ANO3: variants seen among roughly 807,000 people sequenced by gnomAD.
ANO3 encodes anoctamin 3.
A neutral mutation model predicts 144.8 loss-of-function variants in ANO3; 99 were observed. That is an observed-to-expected ratio of 0.68 (90% CI 0.58 to 0.81). ANO3 has a LOEUF of 0.81. Ranked by LOEUF, ANO3 falls within the 30% of genes least tolerant of loss-of-function variation. ANO3 has a pLI of 0.00. For missense variants in ANO3, 905 were observed against 1,202.2 expected, an observed-to-expected ratio of 0.75 and a Z score of 3.66; for synonymous variants, 414 against 392.6, an observed-to-expected ratio of 1.05 and a Z score of -0.64.
intron 17 of ANO3, among the ~76,000 whole-genome samples, chr11:26,601,595 G>A (rs896374432): frequency 3.3e-5 from 5 of 152,194 alleles, no homozygotes; most frequent in African/African-American, 1.2e-4. Flanking sequence ...ATATAAGATA[G>A]TATAGGTTGT....
Position 26,599,551 on chromosome 11 carries a change from T to TA in ANO3, c.1674dup (p.Ser559IlefsTer57). 6.2e-7 allele frequency: 1 copy of TA among 1,612,116 alleles called. No individual in the cohort carries two copies. The highest frequency in any genetic ancestry group is 8.5e-7 in the Non-Finnish European group (1 of 1,178,758). On this transcript the variant is annotated frameshift_variant and splice_region_variant, in exon 17 of 27. Transcript: ENST00000256737. LOFTEE classifies it high-confidence loss of function. ...TTTTTCTGGTGTCCAATATTGTAGA[T>TA]ATCCTTGGTGATCACTGCAGTGTTT...
intron 17 of ANO3, among the ~76,000 whole-genome samples, chr11:26,600,233 C>T (rs566488329): frequency 2.1e-5 from 3 of 142,676 alleles, no homozygotes; most frequent in Middle Eastern, 3.9e-3. Flanking sequence ...CCTCTTCTCT[C>T]GTCTCCTTTC....
At chr11:26,212,854 C>A (rs184876138) in intron 1 of ANO3, among the ~76,000 whole-genome samples, 1 of 152,138 alleles carries the variant, frequency 6.6e-6, no homozygotes, top group East Asian at 1.9e-4. Flanking sequence ...GCCAATATCC[C>A]TGATGAACAT....
At chr11:26,523,375 CT>C (rs1590455997) in intron 6 of ANO3, among the ~76,000 whole-genome samples, 2 of 152,188 alleles carry the variant, frequency 1.3e-5, no homozygotes, top group African/African-American at 2.4e-5. Flanking sequence ...CCTCTCATAT[CT>C]TTTTGACAGG....
intron 1 of ANO3, among the ~76,000 whole-genome samples, chr11:26,408,524 G>A (rs977806062): frequency 2.4e-4 from 35 of 148,400 alleles, no homozygotes; most frequent in African/African-American, 8.5e-4. Flanking sequence ...TACACTGTTG[G>A]TGGGACTGTA....
intron 20 of ANO3, among the ~76,000 whole-genome samples, chr11:26,636,959 A>C (rs1437631604): frequency 6.6e-6 from 1 of 152,198 alleles, no homozygotes; most frequent in Non-Finnish European, 1.5e-5. Flanking sequence ...AGAAAAATAC[A>C]CTACAGCATC....
upstream of ANO3, chr11:26,331,997 A>T: frequency 1.2e-6 from 1 of 830,102 alleles, no homozygotes; most frequent in Non-Finnish European, 1.8e-6. Context: ...ACCCCGCTCA[A>T]CGCCCACCCC....
At chr11:26,629,440 A>T (rs1015040092) in intron 18 of ANO3, among the ~76,000 whole-genome samples, 5 of 152,018 alleles carry the variant, frequency 3.3e-5, no homozygotes, top group African/African-American at 9.7e-5. Context: ...CAAGACTAAA[A>T]AATTCTTACG....
chr11:26,298,965 G>A (rs1854155215), intron 1 of ANO3, among the ~76,000 whole-genome samples: 1 of 152,174 alleles, frequency 6.6e-6, no homozygotes, highest in South Asian at 2.1e-4. Flanking sequence ...ATGGAAATGT[G>A]AAGAAGACAT....
intron 1 of ANO3, among the ~76,000 whole-genome samples, chr11:26,217,171 G>T (rs748490894): frequency 2.6e-4 from 40 of 151,738 alleles, no homozygotes; most frequent in Non-Finnish European, 4.6e-4. Context: ...CTATTTTATT[G>T]TCTAGAAGGT....
intron 14 of ANO3, among the ~76,000 whole-genome samples, chr11:26,590,601 C>A (rs77848420): frequency 6.6e-6 from 1 of 152,100 alleles, no homozygotes; most frequent in African/African-American, 2.4e-5. Context: ...AGTGCTATAG[C>A]TCTATTAGAA....
chr11:26,400,102 T>TTTTTTG (rs1184166838), intron 1 of ANO3, among the ~76,000 whole-genome samples: 4 of 149,392 alleles, frequency 2.7e-5, no homozygotes, highest in Admixed American at 2.0e-4. Flanking sequence ...AAGCAAAGTT[T>TTTTTTG]TTTTTGTTTT....
At chr11:26,451,791 G>T (rs1858951368) in intron 3 of ANO3, among the ~76,000 whole-genome samples, 1 of 152,204 alleles carries the variant, frequency 6.6e-6, no homozygotes, top group Non-Finnish European at 1.5e-5. Flanking sequence ...CCTCAAGTGG[G>T]TCCCTGACCC....
chr11:26,339,481 C>A (rs2133897978), intron 1 of ANO3, among the ~76,000 whole-genome samples: 1 of 152,256 alleles, frequency 6.6e-6, no homozygotes, highest in Non-Finnish European at 1.5e-5. Flanking sequence ...AAACATTGTG[C>A]ATGCCACAAA....
intron 1 of ANO3, among the ~76,000 whole-genome samples, chr11:26,373,837 C>T (rs1856330438): frequency 6.6e-6 from 1 of 152,148 alleles, no homozygotes; most frequent in Non-Finnish European, 1.5e-5. Flanking sequence ...CATGGAAGAA[C>T]AGGCATTCTA....
intron 1 of ANO3, among the ~76,000 whole-genome samples, chr11:26,264,850 AATT>A (rs2133830550): frequency 6.6e-6 from 1 of 152,102 alleles, no homozygotes; most frequent in Non-Finnish European, 1.5e-5. Flanking sequence ...TATTCCATGT[AATT>A]ATATTTTTAA....
At chr11:26,413,334 A>T (rs1590339238) in intron 1 of ANO3, among the ~76,000 whole-genome samples, 1 of 152,042 alleles carries the variant, frequency 6.6e-6, no homozygotes. Context: ...GATAATAATT[A>T]GAGTGTTTGT....
At chr11:26,631,346 GA>G (rs1425731758) in intron 18 of ANO3, among the ~76,000 whole-genome samples, 4 of 150,326 alleles carry the variant, frequency 2.7e-5, no homozygotes, top group African/African-American at 9.8e-5. Flanking sequence ...TTCTTTGAAG[GA>G]AAAACTAAAA....
At chr11:26,284,810 G>A (rs1201879696) in intron 1 of ANO3, among the ~76,000 whole-genome samples, 1 of 152,156 alleles carries the variant, frequency 6.6e-6, no homozygotes. Context: ...GGAGGCTGAG[G>A]CAGAAGATGA....
Sources: gnomAD v4.1 joint callset for allele counts (sites outside exome capture counted in the v4.1 genomes callset) on GRCh38, gnomAD v4.1.1 for gene constraint, MANE v1.5 for transcripts, NCBI Gene and HGNC (gene_info 2026-07-23, HGNC 2026-07-21) for gene names.